HOXA10: variants seen among roughly 807,000 people sequenced by gnomAD.
HOXA10 encodes the protein homeobox A10, also known as homeobox protein Hox-A10.
HOXA10 carries 12 observed loss-of-function variants against 29.7 expected under a neutral mutation model. The observed-to-expected ratio is 0.40, with a 90% CI of 0.26 to 0.65. HOXA10 has a LOEUF of 0.65. Ranked by LOEUF, HOXA10 falls within the 30% of genes least tolerant of loss-of-function variation. The probability of loss-of-function intolerance (pLI) is 0.37; values close to 1 mark genes in which losing one functional copy is unlikely to be tolerated. For synonymous variants in HOXA10, 327 were observed against 280.7 expected, an observed-to-expected ratio of 1.16 and a Z score of -1.65; for missense variants, 656 against 585.9, an observed-to-expected ratio of 1.12 and a Z score of -1.24.
At chr7:27,177,693 C>T (rs1182449566), upstream of HOXA10, among the ~76,000 whole-genome samples, 4 of 152,142 alleles carry the variant, frequency 2.6e-5, no homozygotes, top group African/African-American at 7.2e-5. Context: ...ATGAAGAAAG[C>T]GATTCAGTTG....
chr7:27,171,895 T>A lies in HOXA10; in HGVS notation c.*4A>T. 1 of 1,613,802 alleles carries A rather than the reference T, an allele frequency of 6.2e-7. No individual in the cohort carries two copies. Among genetic ancestry groups the A allele is most frequent in the Non-Finnish European group, 8.5e-7 (1 of 1,179,950 alleles). On this transcript the variant is annotated 3_prime_UTR_variant, in exon 2 of 2. Transcript: ENST00000283921. ...GTGAAAAAACCGCGTCGCCTGGAGA[T>A]TCATCAGGAAAAATTAAAGTTGGCT...
Position 27,174,111 on chromosome 7 carries a change from G to A in HOXA10, c.196C>T (p.Pro66Ser). ...CCGTAGGGCAGGTCGGCGGCGGGCGGCAGGTAGACCCCGCCGTGGGCGTAG... is the reference window on the plus strand; with the variant it reads ...CCGTAGGGCAGGTCGGCGGCGGGCGACAGGTAGACCCCGCCGTGGGCGTAG... ...GYYAHGGVYL[P>S]PAADLPYGLQ... The change falls in exon 1 of 2, where the codon CCG (proline) becomes TCG (serine). Residue 66 changes from proline to serine, a missense_variant. By Grantham distance (74) the Pro-to-Ser change is moderately conservative. Around this residue, in one of 2 missense-constraint regions of HOXA10, gnomAD observed 594 missense variants for 491.9 expected, o/e 1.21. Coordinates refer to ENST00000283921, the MANE Select transcript of HOXA10 (RefSeq NM_018951.4). 1.9e-6 allele frequency: 3 copies of A among 1,579,356 alleles called. No homozygotes were observed. Among genetic ancestry groups the A allele is most frequent in the Non-Finnish European group, 2.6e-6 (3 of 1,170,506 alleles).
At chr7:27,175,367 G>A (rs1783635311), upstream of HOXA10, among the ~76,000 whole-genome samples, 2 of 152,208 alleles carry the variant, frequency 1.3e-5, no homozygotes, top group Admixed American at 6.5e-5. Context: ...ACAAGAACCA[G>A]TGTCACTACA....
upstream of HOXA10, among the ~76,000 whole-genome samples, chr7:27,176,801 C>T (rs1036842157): frequency 6.6e-6 from 1 of 152,240 alleles, no homozygotes. Flanking sequence ...TGATCTTAAC[C>T]TATCTTTCCT....
chr7:27,173,804 G>C lies in HOXA10; in HGVS notation c.503C>G (p.Ser168Cys). 1 of 1,611,494 alleles carries C rather than the reference G, an allele frequency of 6.2e-7. No individual in the cohort carries two copies. The highest frequency in any genetic ancestry group is 8.5e-7 in the Non-Finnish European group (1 of 1,178,900). The change falls in exon 1 of 2, where the codon TCC (serine) becomes TGC (cysteine). Residue 168 changes from serine to cysteine, a missense_variant. By Grantham distance (112) the Ser-to-Cys change is moderately radical. Around this residue, in one of 2 missense-constraint regions of HOXA10, gnomAD observed 594 missense variants for 491.9 expected, o/e 1.21. Transcript: ENST00000283921. The stretch of plus-strand genomic sequence containing the variant: ...GTCCGCCGAGTCGTAGAGGCAGTAG[G>C]AGCTCTCTTCTTTGATGTTCTGCGC... Reference protein sequence around the residue: ...SFAQNIKEESSYCLYDSADKC... With the variant: ...SFAQNIKEESCYCLYDSADKC...
At position 27,171,960 on chromosome 7, in the gene HOXA10, A is replaced by C; in HGVS notation, c.1172T>G (p.Leu391Arg). 1 of 1,614,158 alleles carries C rather than the reference A, an allele frequency of 6.2e-7. No homozygotes were observed. The highest frequency in any genetic ancestry group is 8.5e-7 in the Non-Finnish European group (1 of 1,180,008). Reference sequence around the variant, plus strand: ...CCGGTTTTCTCGATTCATTTTCTTCAGTTTCATCCTGCGGTTCTGAAACCA... The same window carrying C: ...CCGGTTTTCTCGATTCATTTTCTTCCGTTTCATCCTGCGGTTCTGAAACCA... ...KIWFQNRRMK[L>R]KKMNRENRIR... The change falls in exon 2 of 2, where the codon CTG (leucine) becomes CGG (arginine). Residue 391 changes from leucine to arginine, a missense_variant. Leu to Arg is a moderately radical substitution (Grantham distance 102). Around this residue, in one of 2 missense-constraint regions of HOXA10, gnomAD observed 62 missense variants for 94.0 expected, o/e 0.66. Transcript: ENST00000283921.
intron 1 of HOXA10, chr7:27,172,574 G>A: frequency 3.7e-6 from 1 of 267,146 alleles, no homozygotes; most frequent in South Asian, 4.0e-5. Flanking sequence ...TTGGAAGATG[G>A]GCCAGGCAGC....
rs776430431 is a variant in HOXA10 at position 27,172,125 on chromosome 7, C to T, written c.1007G>A (p.Gly336Asp). Residue 336 changes from glycine to aspartate, a missense_variant, in exon 2 of 2, where the codon GGT becomes GAT. Physicochemically the swap from Gly to Asp is moderately conservative, Grantham distance 94. Transcript: ENST00000283921. ...NAANWLTAKS[G>D]RKKRCPYTKH... The stretch of plus-strand genomic sequence containing the variant: ...CGTGTAGGGGCAGCGCTTCTTCCGA[C>T]CACTCTTTGCCGTGAGCCAGTTGGC... The T allele has an allele frequency of 3.7e-6, 6 of 1,613,942 alleles. No homozygotes were observed. Among genetic ancestry groups the T allele is most frequent in the Admixed American group, 3.3e-5 (2 of 59,990 alleles).
At chr7:27,173,085 G>T in intron 1 of HOXA10, 1 of 563,176 alleles carries the variant, frequency 1.8e-6, no homozygotes, top group Non-Finnish European at 3.2e-6. Flanking sequence ...CACAGGAGGG[G>T]GCCTGCTCGC....
Position 27,173,404 on chromosome 7 carries a change from C to G in HOXA10, c.903G>C (p.Glu301Asp), listed in dbSNP as rs1416829145. 6.2e-7 allele frequency: 1 copy of G among 1,610,758 alleles called. No individual in the cohort carries two copies. Among genetic ancestry groups the G allele is most frequent in the Non-Finnish European group, 8.5e-7 (1 of 1,179,452 alleles). ...TGCTCTCGGAAGGGGCCGGGGAGAG[C>G]TCCTCCGCGGCCGAGGACGACGCGT... is the stretch of plus-strand genomic sequence containing the variant. Reference protein sequence around the residue: ...EAHASSSAAEELSPAPSESSK... With the variant: ...EAHASSSAAEDLSPAPSESSK... Residue 301 changes from glutamate (E) to aspartate (D), a missense_variant, in exon 1 of 2, where the codon GAG becomes GAC. By Grantham distance (45) the Glu-to-Asp change is conservative. Around this residue, in one of 2 missense-constraint regions of HOXA10, gnomAD observed 594 missense variants for 491.9 expected, o/e 1.21. Coordinates refer to ENST00000283921, the MANE Select transcript of HOXA10 (RefSeq NM_018951.4).
chr7:27,176,484 C>T (rs1783656553), upstream of HOXA10, among the ~76,000 whole-genome samples: 1 of 152,248 alleles, frequency 6.6e-6, no homozygotes, highest in Non-Finnish European at 1.5e-5. Flanking sequence ...GTGGAACTGG[C>T]TGGGACTGTT....
upstream of HOXA10, among the ~76,000 whole-genome samples, chr7:27,176,041 C>G (rs924701393): frequency 6.6e-6 from 1 of 152,240 alleles, no homozygotes. Context: ...GCCGCTCCAC[C>G]GCTAGCGCGG....
chr7:27,173,272 C>T (rs1783550873), intron 1 of HOXA10, 77 bp downstream of exon 1: 2 of 1,593,542 alleles, frequency 1.3e-6, no homozygotes, highest in Admixed American at 1.7e-5. Flanking sequence ...TGCGCGGGCT[C>T]CTAGTTTTCT....
chr7:27,175,823 A>C (rs1257111528), upstream of HOXA10, among the ~76,000 whole-genome samples: 1 of 152,352 alleles, frequency 6.6e-6, no homozygotes, highest in Admixed American at 6.5e-5. Flanking sequence ...CGCTGCCTTC[A>C]GCTGGGAAAG....
chr7:27,174,615 C>T (rs545696410), upstream of HOXA10: 62 of 450,082 alleles, frequency 1.4e-4, 2 homozygotes, highest in South Asian at 1.4e-3. Flanking sequence ...AGCCCCATAC[C>T]GGGGTCCCTT....
Position 27,174,181 on chromosome 7 carries a change from T to G in HOXA10, c.126A>C (p.Ala42=), listed in dbSNP as rs1331482102. 1.9e-6 allele frequency: 3 copies of G among 1,599,214 alleles called. No homozygotes were observed. The highest frequency in any genetic ancestry group is 2.5e-6 in the Non-Finnish European group (3 of 1,179,528). The change falls in exon 1 of 2, where the codon GCA becomes GCC. Residue 42 remains alanine (A), a synonymous_variant. Transcript: ENST00000283921. ...DSLISSGRGE[A]GGGGGGAGGG... ...CCCCCGCGCCACCACCACCGCCGCC[T>G]GCCTCGCCTCTGCCCGAGCTGATGA...
At chr7:27,175,772 A>G (rs1231620341), upstream of HOXA10, among the ~76,000 whole-genome samples, 40 of 152,224 alleles carry the variant, frequency 2.6e-4, no homozygotes. Context: ...CGGAGCTGGC[A>G]TTACTGAACG....
Position 27,173,947 on chromosome 7 carries a change from G to T in HOXA10, c.360C>A (p.Asp120Glu). ...YGPSPIDLWL[D>E]APRSCRMEPP... is the part of the protein sequence containing the mutation. ...GCTCCATCCGGCAAGACCGGGGCGC[G>T]TCTAGCCACAGGTCTATGGGCGAGG... The change falls in exon 1 of 2, where the codon GAC (aspartate) becomes GAA (glutamate). Residue 120 changes from aspartate to glutamate, a missense_variant. By Grantham distance (45) the Asp-to-Glu change is conservative. Coordinates refer to ENST00000283921, the MANE Select transcript of HOXA10 (RefSeq NM_018951.4). 11 of 1,526,534 alleles carry T rather than the reference G, an allele frequency of 7.2e-6. No homozygotes were observed. The highest frequency in any genetic ancestry group is 8.8e-6 in the Non-Finnish European group (10 of 1,139,562). The allele number at this position is 1,526,534 out of a possible 1,614,324, so 94.6% of individuals were successfully genotyped here. A position where few individuals can be genotyped will look rare whatever the true frequency, so the allele number is the denominator to read the frequency against.
At chr7:27,175,239 G>A (rs1265230185), upstream of HOXA10, 3 of 152,330 alleles carry the variant, frequency 2.0e-5, no homozygotes, top group African/African-American at 7.2e-5. Flanking sequence ...GCTGGCCTTG[G>A]GGTCCTTGGC....
Sources: allele counts gnomAD v4.1 joint callset (sites outside exome capture counted in the v4.1 genomes callset), GRCh38; gene constraint gnomAD v4.1.1; regional missense constraint gnomAD v4.1.1; transcripts MANE v1.5; gene names NCBI Gene and HGNC (gene_info 2026-07-23, HGNC 2026-07-21).